The following RBFOX1 variants were observed in gnomAD, a reference collection of about 807,000 sequenced individuals.
The protein encoded by RBFOX1 is RNA binding protein fox-1 homolog 1.
A neutral mutation model predicts 57.7 loss-of-function variants in RBFOX1; 8 were observed. That is an observed-to-expected ratio of 0.14 (90% CI 0.08 to 0.25). The LOEUF is 0.25. Ranked by LOEUF, RBFOX1 falls within the 10% of genes least tolerant of loss-of-function variation. The pLI is 1.00. For synonymous variants in RBFOX1, 326 were observed against 222.4 expected (o/e 1.47, Z -4.15); for missense variants, 611 against 548.5 (o/e 1.11, Z -1.14).
intron 3 of RBFOX1, among the ~76,000 whole-genome samples, chr16:5,772,443 C>T (rs951120116): frequency 2.0e-5 from 3 of 152,318 alleles, no homozygotes; most frequent in Middle Eastern, 3.4e-3. Context: ...CTTAGATCCT[C>T]AGGTACCTCT....
chr16:5,676,030 A>T (rs770109757), intron 3 of RBFOX1, among the ~76,000 whole-genome samples: 7 of 152,202 alleles, frequency 4.6e-5, no homozygotes, highest in African/African-American at 7.2e-5. Context: ...TGGAAGTTGA[A>T]TAATGAGAAC....
At chr16:6,534,675 A>G (rs932386477) in intron 2 of RBFOX1, among the ~76,000 whole-genome samples, 1 of 152,172 alleles carries the variant, frequency 6.6e-6, no homozygotes, top group African/African-American at 2.4e-5. Flanking sequence ...TTGGTTATAA[A>G]AGTACTTGCT....
At chr16:7,680,886 C>G (rs2074552428) in intron 14 of RBFOX1, among the ~76,000 whole-genome samples, 1 of 152,052 alleles carries the variant, frequency 6.6e-6, no homozygotes, top group South Asian at 2.1e-4. Flanking sequence ...TTATCTTCCT[C>G]TCTGCACACA....
chr16:6,783,667 T>G (rs2081418226), intron 3 of RBFOX1, among the ~76,000 whole-genome samples: 1 of 152,114 alleles, frequency 6.6e-6, no homozygotes, highest in Non-Finnish European at 1.5e-5. Flanking sequence ...ACTAAAGATA[T>G]GAGGGCTTTA....
In RBFOX1 at chr16:6,158,261, G is replaced by C. The variant is rs372543500; in HGVS notation, c.-127+138269G>C. Among the ~76,000 whole-genome samples the C allele has an allele frequency of 2.1e-4, 32 of 152,292 alleles. No homozygotes were observed. The South Asian group carries it at 3.9e-3, about 19-fold the overall frequency. On this transcript the variant is annotated intron_variant, in intron 1 of 15. Transcript: ENST00000550418. ...TCTGAATCGGTATTTTGCTGAAAGT[G>C]GGTGGAGGGAAGTGAAGGTTCTGCA... is the stretch of plus-strand genomic sequence containing the variant.
chr16:6,989,299 A>G (rs1431539338), intron 3 of RBFOX1, among the ~76,000 whole-genome samples: 1 of 152,186 alleles, frequency 6.6e-6, no homozygotes, highest in Admixed American at 6.5e-5. Context: ...TTTGTCTATG[A>G]AGATATATTT....
intron 5 of RBFOX1, among the ~76,000 whole-genome samples, chr16:7,521,517 G>C (rs1231165197): frequency 1.3e-5 from 2 of 152,186 alleles, no homozygotes; most frequent in African/African-American, 4.8e-5. Context: ...GAACACTTTA[G>C]AGATCAACAC....
intron 2 of RBFOX1, chr16:6,483,665 C>T (rs1329472853): frequency 7.5e-6 from 9 of 1,197,698 alleles, no homozygotes; most frequent in Admixed American, 2.8e-5. Flanking sequence ...CCCACTGACT[C>T]CGCGGGAGGG....
intron 4 of RBFOX1, among the ~76,000 whole-genome samples, chr16:7,422,240 G>A (rs941344269): frequency 6.6e-6 from 1 of 152,150 alleles, no homozygotes; most frequent in Non-Finnish European, 1.5e-5. Context: ...TGTTAGGCAC[G>A]GCACTCAGAA....
intron 2 of RBFOX1, among the ~76,000 whole-genome samples, chr16:5,549,417 A>G (rs2045367008): frequency 6.6e-6 from 1 of 152,094 alleles, no homozygotes; most frequent in Admixed American, 6.5e-5. Context: ...ATCAGAAGGA[A>G]TTTTTCTATT....
chr16:6,655,520 C>T (rs1369435101), intron 3 of RBFOX1, among the ~76,000 whole-genome samples: 2 of 152,006 alleles, frequency 1.3e-5, no homozygotes, highest in African/African-American at 4.8e-5. Flanking sequence ...AGAGTCCCCT[C>T]ACCCATTTAT....
intron 4 of RBFOX1, among the ~76,000 whole-genome samples, chr16:7,226,543 C>G (rs1375520618): frequency 6.6e-6 from 1 of 152,208 alleles, no homozygotes; most frequent in Non-Finnish European, 1.5e-5. Flanking sequence ...GTAACAAATT[C>G]TCTCAATGGT....
At chr16:7,621,328 T>C (rs990438243) in intron 10 of RBFOX1, among the ~76,000 whole-genome samples, 1 of 152,094 alleles carries the variant, frequency 6.6e-6, no homozygotes, top group African/African-American at 2.4e-5. Flanking sequence ...TGGTGCAAGC[T>C]CAGTTCATTG....
intron 3 of RBFOX1, among the ~76,000 whole-genome samples, chr16:6,910,425 C>T (rs932813618): frequency 1.3e-5 from 2 of 152,166 alleles, no homozygotes; most frequent in African/African-American, 4.8e-5. Flanking sequence ...ATTCTGTCCC[C>T]AGGTTCAATG....
At chr16:6,020,168 C>T (rs1416970539) in intron 1 of RBFOX1, among the ~76,000 whole-genome samples, 176 bp downstream of exon 1, 1 of 151,986 alleles carries the variant, frequency 6.6e-6, no homozygotes, top group Non-Finnish European at 1.5e-5. Context: ...AGGCGTGTCC[C>T]CCCCTACCCC....
At chr16:6,931,830 G>A (rs909412917) in intron 3 of RBFOX1, among the ~76,000 whole-genome samples, 14 of 152,098 alleles carry the variant, frequency 9.2e-5, no homozygotes, top group South Asian at 2.1e-4. Context: ...TTTGGAGGTC[G>A]GAAAGTCCAA....
At chr16:7,500,114 A>G (rs2070207683) in intron 4 of RBFOX1, among the ~76,000 whole-genome samples, 1 of 152,116 alleles carries the variant, frequency 6.6e-6, no homozygotes, top group African/African-American at 2.4e-5. Flanking sequence ...AAGATCACAC[A>G]TTCTTAGCTA....
At chr16:7,185,290 T>TC (rs377412815) in intron 4 of RBFOX1, among the ~76,000 whole-genome samples, 76 of 152,290 alleles carry the variant, frequency 5.0e-4, no homozygotes, top group African/African-American at 1.7e-3. Context: ...TATTTTTTTT[T>TC]CCCTAATGAT....
chr16:6,611,449 C>G (rs546172193), intron 2 of RBFOX1, among the ~76,000 whole-genome samples: 5 of 152,100 alleles, frequency 3.3e-5, no homozygotes, highest in Admixed American at 6.5e-5. Context: ...GCCTGGCCGT[C>G]TTCATCTGCT....
Sources: allele counts gnomAD v4.1 joint callset (sites outside exome capture counted in the v4.1 genomes callset), GRCh38; gene constraint gnomAD v4.1.1; transcripts MANE v1.5; gene names NCBI Gene and HGNC (gene_info 2026-07-23, HGNC 2026-07-21).